TAFA2: variants seen among roughly 807,000 people sequenced by gnomAD.
TAFA2 encodes TAFA chemokine like family member 2.
A neutral mutation model predicts 18.8 loss-of-function variants in TAFA2; 7 were observed. That is an observed-to-expected ratio of 0.37 (90% CI 0.21 to 0.70). The LOEUF is 0.70. Among genes scored for constraint, TAFA2 ranks in the 30% least tolerant of loss-of-function variants. The pLI, the probability that TAFA2 is intolerant of heterozygous loss-of-function variation, is 0.53. For missense variants in TAFA2, 122 were observed against 158.1 expected, an observed-to-expected ratio of 0.77 and a Z score of 1.23; for synonymous variants, 60 against 54.2, an observed-to-expected ratio of 1.11 and a Z score of -0.47.
rs1869194756 is a variant in TAFA2 at position 61,754,991 on chromosome 12, A to G, written c.140T>C (p.Val47Ala). 2 of 1,612,884 alleles carry G rather than the reference A, an allele frequency of 1.2e-6. No homozygotes were observed. The highest frequency in any genetic ancestry group is 8.5e-7 in the Non-Finnish European group (1 of 1,179,310). Reference protein sequence around the residue: ...HHVKTGTCEVVALHRCCNKNK... With the variant: ...HHVKTGTCEVAALHRCCNKNK... ...CTTATTACAGCATCTGTGGAGTGCC[A>G]CCACCTCACAAGTTCCCGTTTTAAC... The change falls in exon 3 of 5, where the codon GTG becomes GCG. Residue 47 changes from valine (V) to alanine (A), a missense_variant. Transcript: ENST00000416284.
chr12:61,890,854 ATCC>A (rs1333335003), intron 1 of TAFA2, among the ~76,000 whole-genome samples: 1 of 152,166 alleles, frequency 6.6e-6, no homozygotes, highest in Non-Finnish European at 1.5e-5. Context: ...CCACCCATGT[ATCC>A]TCCTCAACAT....
At chr12:61,870,672 C>A (rs1183190280) in intron 1 of TAFA2, among the ~76,000 whole-genome samples, 1 of 152,082 alleles carries the variant, frequency 6.6e-6, no homozygotes, top group Non-Finnish European at 1.5e-5. Flanking sequence ...TAGAAAATTT[C>A]TCCAATGACT....
At chr12:61,753,058 A>C (rs927072630) in intron 4 of TAFA2, among the ~76,000 whole-genome samples, 2 of 151,924 alleles carry the variant, frequency 1.3e-5, no homozygotes, top group Non-Finnish European at 2.9e-5. Flanking sequence ...GAAATACATC[A>C]GTGTCTTAAG....
chr12:62,253,473 G>A (rs1447409246), intron 1 of TAFA2: 1 of 152,184 alleles, frequency 6.6e-6, no homozygotes. Flanking sequence ...TTCTGTAAAA[G>A]TCTGACACAA....
intron 2 of TAFA2, among the ~76,000 whole-genome samples, chr12:61,861,953 AAACT>A (rs1287151649): frequency 5.3e-5 from 8 of 152,226 alleles, no homozygotes; most frequent in Non-Finnish European, 1.5e-5. Flanking sequence ...TTGGCTAATC[AAACT>A]AACTTTTTTA....
chr12:61,757,677 G>C (rs73324015), intron 2 of TAFA2, among the ~76,000 whole-genome samples: 2,747 of 152,070 alleles, frequency 0.018, 78 homozygotes, highest in African/African-American at 0.062. Flanking sequence ...ACAGCAAGAA[G>C]ACCGATAAGG....
intron 2 of TAFA2, among the ~76,000 whole-genome samples, chr12:61,755,531 C>A (rs1156910277): frequency 6.6e-6 from 1 of 152,052 alleles, no homozygotes; most frequent in Non-Finnish European, 1.5e-5. Flanking sequence ...TTCTTCTGCT[C>A]AGTTTCCCTG....
At chr12:61,987,585 T>G (rs1319302071) in intron 1 of TAFA2, among the ~76,000 whole-genome samples, 6 of 152,252 alleles carry the variant, frequency 3.9e-5, no homozygotes, top group Non-Finnish European at 1.5e-5. Flanking sequence ...TCCAGAAAAG[T>G]CTGCACCCTT....
rs58881143 is a variant in TAFA2 at position 61,740,296 on chromosome 12, CAG to C, written c.384+13324_384+13325del. On this transcript the variant is annotated intron_variant, in intron 4 of 4. Transcript: ENST00000416284. ...GTTGAACAATGAGAACACATGGACA[CAG>C]GGGTGGGGGGGAATATCACACACCG... 4.5e-3 allele frequency among the ~76,000 whole-genome samples: 685 copies of C among 151,856 alleles called. 8 individuals are homozygous for C. Among genetic ancestry groups the C allele is most frequent in the African/African-American group, 0.015 (641 of 41,412 alleles).
At chr12:61,908,794 G>A (rs1876478110) in intron 1 of TAFA2, among the ~76,000 whole-genome samples, 4 of 152,084 alleles carry the variant, frequency 2.6e-5, no homozygotes, top group African/African-American at 7.2e-5. Flanking sequence ...CATGGTTTTT[G>A]CCTGTATCTA....
chr12:61,787,176 A>G (rs1481242382), intron 2 of TAFA2, among the ~76,000 whole-genome samples: 14 of 151,458 alleles, frequency 9.2e-5, no homozygotes, highest in Admixed American at 9.2e-4. Flanking sequence ...ACTGAAAGAA[A>G]AAAAAAACCT....
At chr12:61,829,202 C>T (rs1399559389) in intron 2 of TAFA2, among the ~76,000 whole-genome samples, 3 of 151,716 alleles carry the variant, frequency 2.0e-5, no homozygotes, top group Non-Finnish European at 4.4e-5. Context: ...TATAGTACTG[C>T]ACTGAAGTTT....
chr12:61,878,364 T>TA (rs1874961635), intron 1 of TAFA2, among the ~76,000 whole-genome samples: 1 of 152,198 alleles, frequency 6.6e-6, no homozygotes, highest in Non-Finnish European at 1.5e-5. Flanking sequence ...GCAAGAGTCG[T>TA]AATGGGAACA....
At chr12:61,769,368 C>T (rs1268660218) in intron 2 of TAFA2, among the ~76,000 whole-genome samples, 1 of 151,958 alleles carries the variant, frequency 6.6e-6, no homozygotes, top group Non-Finnish European at 1.5e-5. Context: ...AGCCTGTAAC[C>T]TCCCTGCACT....
chr12:62,241,089 C>T (rs2062860951), intron 1 of TAFA2, among the ~76,000 whole-genome samples: 1 of 152,066 alleles, frequency 6.6e-6, no homozygotes, highest in Non-Finnish European at 1.5e-5. Context: ...TATATAAACT[C>T]CTTGAGGAAG....
chr12:61,980,104 C>T (rs10877775), intron 1 of TAFA2, among the ~76,000 whole-genome samples: 76,824 of 151,900 alleles, frequency 0.51, 20,790 homozygotes, highest in Non-Finnish European at 0.59. Flanking sequence ...CCAGATACTT[C>T]GCCCCCATAG....
intron 1 of TAFA2, among the ~76,000 whole-genome samples, chr12:62,105,290 T>A (rs78583851): frequency 0.054 from 8,239 of 152,282 alleles, 334 homozygotes; most frequent in Non-Finnish European, 0.083. Flanking sequence ...CCACATGCAT[T>A]ATAGACTGCA....
At chr12:61,733,998 A>T (rs1469312213) in intron 4 of TAFA2, among the ~76,000 whole-genome samples, 1 of 147,668 alleles carries the variant, frequency 6.8e-6, no homozygotes, top group Non-Finnish European at 1.5e-5. Context: ...CATCCCTTGT[A>T]AGTTGGATTC....
chr12:62,220,736 T>C (rs2062756835), intron 1 of TAFA2, among the ~76,000 whole-genome samples: 1 of 152,022 alleles, frequency 6.6e-6, no homozygotes, highest in Non-Finnish European at 1.5e-5. Flanking sequence ...TCAACCTTGC[T>C]ATTAATCTAA....
Sources: gnomAD v4.1 joint callset for allele counts (sites outside exome capture counted in the v4.1 genomes callset) on GRCh38, gnomAD v4.1.1 for gene constraint, MANE v1.5 for transcripts, NCBI Gene and HGNC (gene_info 2026-07-23, HGNC 2026-07-21) for gene names.